CDH23: variants seen among roughly 807,000 people sequenced by gnomAD.
The protein encoded by CDH23 is cadherin-23.
CDH23 carries 189 observed loss-of-function variants against 317.1 expected under a neutral mutation model. The ratio of observed to expected loss-of-function variants is 0.60; its 90% CI spans 0.53 to 0.67. The LOEUF is 0.67. CDH23 is among the 30% of genes least tolerant of loss of function. CDH23 has a pLI of 0.00. For missense variants in CDH23, 4,401 were observed against 4,592.4 expected (o/e 0.96, Z 1.20); for synonymous variants, 1,839 against 1,876.8 (o/e 0.98, Z 0.52).
chr10:71,504,399 T>A (rs1853517151), intron 3 of CDH23, among the ~76,000 whole-genome samples: 1 of 152,236 alleles, frequency 6.6e-6, no homozygotes. Flanking sequence ...TCCTTTCTTT[T>A]TAAGGCTGAA....
Position 71,712,817 on chromosome 10 carries a change from G to T in CDH23, c.3369+4G>T, listed in dbSNP as rs1866032999. On this transcript the variant is annotated splice_donor_region_variant and intron_variant, in intron 28 of 69. Coordinates refer to ENST00000224721, the MANE Select transcript of CDH23 (RefSeq NM_022124.6). Reference sequence around the variant, plus strand: ...TGAAGGCCACAGCATCTTGCAGGCAGGTGGCCCGTGGCCTCTGGGGCAGGT... The same window carrying T: ...TGAAGGCCACAGCATCTTGCAGGCATGTGGCCCGTGGCCTCTGGGGCAGGT... 1 of 1,609,880 alleles carries T rather than the reference G, an allele frequency of 6.2e-7. No homozygotes were observed. Among genetic ancestry groups the T allele is most frequent in the East Asian group, 2.2e-5 (1 of 44,772 alleles).
chr10:71,726,379 C>A (rs902924907), intron 30 of CDH23, among the ~76,000 whole-genome samples: 11 of 152,208 alleles, frequency 7.2e-5, no homozygotes, highest in Admixed American at 1.3e-4. Context: ...AGGCTGGAAA[C>A]AATGAGCGGT....
intron 34 of CDH23, 43 bp from the exon 35 acceptor site, chr10:71,738,455 G>A: frequency 6.2e-7 from 1 of 1,613,422 alleles, no homozygotes; most frequent in East Asian, 2.2e-5. Context: ...TGGGGCCAAG[G>A]AGGGGAAGGA....
chr10:71,602,864 A>T (rs1860311103), intron 9 of CDH23, among the ~76,000 whole-genome samples: 1 of 152,210 alleles, frequency 6.6e-6, no homozygotes, highest in Non-Finnish European at 1.5e-5. Context: ...ACCTCCAAAG[A>T]GGAAACTGAA....
At chr10:71,408,706 C>T (rs995008869) in intron 1 of CDH23, among the ~76,000 whole-genome samples, 3 of 152,286 alleles carry the variant, frequency 2.0e-5, no homozygotes, top group South Asian at 2.1e-4. Context: ...AATAATACAG[C>T]GGGAGAGAGG....
chr10:71,684,172 C>T lies in CDH23; in HGVS notation c.1986+1600C>T, dbSNP rs1199568343. Among the ~76,000 whole-genome samples, 3 of 151,652 alleles carry T rather than the reference C, an allele frequency of 2.0e-5. No individual in the cohort carries two copies. In the East Asian group the frequency reaches 5.8e-4, roughly 29 times the overall value. On this transcript the variant is annotated intron_variant, in intron 18 of 69. Transcript: ENST00000224721. The stretch of plus-strand genomic sequence containing the variant: ...ACCTAGAAACACCGAGGGTAGGGAA[C>T]GATAATGCATTCCCTGGCAGTCATG...
intron 6 of CDH23, among the ~76,000 whole-genome samples, chr10:71,537,329 G>A (rs183557268): frequency 7.2e-5 from 11 of 152,290 alleles, no homozygotes; most frequent in Admixed American, 1.3e-4. Flanking sequence ...CGGAGAGCCC[G>A]GGACATGATC....
At chr10:71,694,004 C>T (rs950353085) in intron 20 of CDH23, 143 bp from the exon 21 acceptor site, 1 of 721,682 alleles carries the variant, frequency 1.4e-6, no homozygotes, top group Non-Finnish European at 2.4e-6. Context: ...AGGAACACAT[C>T]CAGGCCGCCA....
chr10:71,705,678 A>G (rs1865760330), intron 25 of CDH23, among the ~76,000 whole-genome samples: 1 of 152,102 alleles, frequency 6.6e-6, no homozygotes, highest in South Asian at 2.1e-4. Context: ...TCTGCCCTCT[A>G]TTGGTGAAGG....
chr10:71,419,588 T>A (rs1251221390), intron 1 of CDH23, among the ~76,000 whole-genome samples: 1 of 152,180 alleles, frequency 6.6e-6, no homozygotes, highest in African/African-American at 2.4e-5. Flanking sequence ...TGCAGAAAGG[T>A]CAAAAGACTT....
chr10:71,741,701 G>C lies in CDH23; in HGVS notation c.4625G>C (p.Gly1542Ala), dbSNP rs781339262. 5.6e-6 allele frequency: 9 copies of C among 1,608,182 alleles called. No individual in the cohort carries two copies. Among genetic ancestry groups the C allele is most frequent in the African/African-American group, 1.3e-5 (1 of 74,786 alleles). Residue 1542 changes from glycine (G) to alanine (A), a missense_variant, in exon 38 of 70, where the codon GGT becomes GCT. Gly to Ala is a moderately conservative substitution (Grantham distance 60). Transcript: ENST00000224721. ...GYNVSVNENVGGGTAVVQVRA... is the reference protein window; with the variant it reads ...GYNVSVNENVAGGTAVVQVRA... ...CTCCTGCTCTCCTCCCAGAACGTGG[G>C]TGGAGGTACTGCTGTGGTCCAGGTG... is the stretch of plus-strand genomic sequence containing the variant.
At chr10:71,711,772 C>CTGG (rs1207413320) in intron 27 of CDH23, 7 of 152,152 alleles carry the variant, frequency 4.6e-5, no homozygotes, top group Non-Finnish European at 8.8e-5. Flanking sequence ...ATCAGAAGAT[C>CTGG]TGGTGTCTCT....
intron 28 of CDH23, chr10:71,713,067 C>T (rs2132761524): frequency 1.3e-6 from 1 of 744,212 alleles, no homozygotes; most frequent in Non-Finnish European, 2.5e-6. Flanking sequence ...CTTGGCCTCC[C>T]CCTGCATATC....
intron 9 of CDH23, among the ~76,000 whole-genome samples, chr10:71,579,436 G>A (rs1187087710): frequency 1.3e-5 from 2 of 152,100 alleles, no homozygotes; most frequent in South Asian, 2.1e-4. Context: ...CTGGTGTAGC[G>A]TAAACCCCGA....
At chr10:71,521,222 A>G (rs1165742188) in intron 6 of CDH23, among the ~76,000 whole-genome samples, 1 of 151,544 alleles carries the variant, frequency 6.6e-6, no homozygotes, top group African/African-American at 2.4e-5. Flanking sequence ...CCCACCTCCC[A>G]GGCATGGGGC....
At chr10:71,812,701 G>T in intron 67 of CDH23, 67 bp from the exon 68 acceptor site, 1 of 1,612,036 alleles carries the variant, frequency 6.2e-7, no homozygotes, top group Non-Finnish European at 8.5e-7. Context: ...TCTTTAAGGG[G>T]TGGCCCCCTC....
chr10:71,706,477 C>T (rs1458213668), intron 25 of CDH23, among the ~76,000 whole-genome samples: 1 of 152,166 alleles, frequency 6.6e-6, no homozygotes, highest in East Asian at 1.9e-4. Context: ...GCTCAGAGGG[C>T]TGCATGTGGT....
chr10:71,474,391 C>A (rs1017726716), intron 3 of CDH23, among the ~76,000 whole-genome samples: 7 of 152,224 alleles, frequency 4.6e-5, no homozygotes, highest in African/African-American at 1.7e-4. Context: ...TCTGTCGCCT[C>A]CTTCAGGAAG....
chr10:71,564,186 C>T (rs1857274294), intron 6 of CDH23, among the ~76,000 whole-genome samples: 1 of 152,204 alleles, frequency 6.6e-6, no homozygotes, highest in African/African-American at 2.4e-5. Context: ...AGCAAATCTG[C>T]TTGCATTGAG....
Sources: allele counts gnomAD v4.1 joint callset (sites outside exome capture counted in the v4.1 genomes callset), GRCh38; gene constraint gnomAD v4.1.1; transcripts MANE v1.5; gene names NCBI Gene and HGNC (gene_info 2026-07-23, HGNC 2026-07-21).